Variants in IL2RB observed in about 807,000 individuals in gnomAD.
The protein encoded by IL2RB is interleukin-2 receptor subunit beta.
IL2RB carries 17 observed loss-of-function variants against 44.2 expected under a neutral mutation model. That is an observed-to-expected ratio of 0.38 (90% confidence interval 0.26 to 0.58). The LOEUF is 0.58. IL2RB is among the 20% of genes least tolerant of loss of function. The probability of loss-of-function intolerance (pLI) is 0.63; values close to 1 mark genes in which losing one functional copy is unlikely to be tolerated. For missense variants in IL2RB, 624 were observed against 685.5 expected, an observed-to-expected ratio of 0.91 and a Z score of 1.00; for synonymous variants, 286 against 297.9, an observed-to-expected ratio of 0.96 and a Z score of 0.41.
intron 1 of IL2RB, among the ~76,000 whole-genome samples, chr22:37,174,027 C>A (rs552698365): frequency 9.3e-4 from 141 of 152,328 alleles, no homozygotes; most frequent in African/African-American, 7.9e-4. Context: ...CCCACCCCAA[C>A]CTGTGAGTGG....
At chr22:37,130,555 A>G (rs1302233793) in intron 9 of IL2RB, among the ~76,000 whole-genome samples, 1 of 152,150 alleles carries the variant, frequency 6.6e-6, no homozygotes, top group Non-Finnish European at 1.5e-5. Flanking sequence ...CCCAACCCCC[A>G]GCCACATCAT....
At chr22:37,130,134 G>A (rs1385496202) in intron 9 of IL2RB, among the ~76,000 whole-genome samples, 1 of 152,226 alleles carries the variant, frequency 6.6e-6, no homozygotes, top group Non-Finnish European at 1.5e-5. Context: ...CAAAAGAAAA[G>A]GCTGAGAGAG....
chr22:37,129,824 T>G (rs1601594361), intron 9 of IL2RB, among the ~76,000 whole-genome samples: 2 of 152,308 alleles, frequency 1.3e-5, no homozygotes, highest in Non-Finnish European at 2.9e-5. Context: ...TTGGGAGCCC[T>G]GACAACCCTC....
Position 37,136,354 on chromosome 22 carries a change from T to C in IL2RB, c.577A>G (p.Ile193Val), listed in dbSNP as rs751108462. 1 of 1,612,602 alleles carries C rather than the reference T, an allele frequency of 6.2e-7. No homozygotes were observed. Among genetic ancestry groups the C allele is most frequent in the East Asian group, 2.2e-5 (1 of 44,828 alleles). The change falls in exon 7 of 10, where the codon ATC becomes GTC. Residue 193 changes from isoleucine (I) to valine (V), a missense_variant. Transcript: ENST00000216223. ...TCTGGGGTGAGCGTCTCCAGGCAGATCCATTCCTGCTTCTGCTTGAGAGTC... is the reference window on the plus strand; with the variant it reads ...TCTGGGGTGAGCGTCTCCAGGCAGACCCATTCCTGCTTCTGCTTGAGAGTC... ...LLTLKQKQEW[I>V]CLETLTPDTQ... is the part of the protein sequence containing the mutation.
chr22:37,174,465 A>G (rs190855895), intron 1 of IL2RB, among the ~76,000 whole-genome samples: 194 of 152,336 alleles, frequency 1.3e-3, no homozygotes, highest in Non-Finnish European at 1.4e-3. Flanking sequence ...TTGGAGGACC[A>G]AAAGCACCAC....
upstream of IL2RB, among the ~76,000 whole-genome samples, chr22:37,154,653 G>C (rs955659797): frequency 1.8e-4 from 26 of 148,114 alleles, 1 homozygote; most frequent in Admixed American, 1.3e-3. Flanking sequence ...TCGGCTCATT[G>C]CAAGCTCCGC....
At chr22:37,167,202 G>A (rs1246905105) in intron 1 of IL2RB, among the ~76,000 whole-genome samples, 2 of 152,156 alleles carry the variant, frequency 1.3e-5, no homozygotes, top group Non-Finnish European at 2.9e-5. Context: ...GACAGCCTCC[G>A]ACCCACCCTC....
intron 9 of IL2RB, among the ~76,000 whole-genome samples, chr22:37,130,862 A>G (rs1404231466): frequency 1.3e-5 from 2 of 152,248 alleles, no homozygotes; most frequent in Non-Finnish European, 2.9e-5. Context: ...ACATTCCCGC[A>G]CATTAAGAGT....
At chr22:37,135,951 C>G (rs1403073426) in intron 7 of IL2RB, among the ~76,000 whole-genome samples, 1 of 152,192 alleles carries the variant, frequency 6.6e-6, no homozygotes, top group Non-Finnish European at 1.5e-5. Flanking sequence ...CAGCCACCCC[C>G]AGCCCCAGAA....
At chr22:37,136,866 T>C (rs1490187899) in intron 6 of IL2RB, among the ~76,000 whole-genome samples, 3 of 152,212 alleles carry the variant, frequency 2.0e-5, no homozygotes, top group Non-Finnish European at 4.4e-5. Flanking sequence ...CAGGTCTTTC[T>C]AATTTTGCAA....
chr22:37,146,578 G>A (rs1056550939), intron 1 of IL2RB, among the ~76,000 whole-genome samples: 6 of 152,278 alleles, frequency 3.9e-5, no homozygotes, highest in Admixed American at 6.5e-5. Context: ...CATTTCAAAC[G>A]GGCCCTCATG....
intron 8 of IL2RB, 109 bp downstream of exon 8, chr22:37,135,217 AGT>A (rs3830742): frequency 4.9e-3 from 3,227 of 653,260 alleles, no homozygotes; most frequent in South Asian, 7.1e-3. Flanking sequence ...TGTTCATGTA[AGT>A]GTGTGTGTGT....
At chr22:37,131,323 C>A (rs996938204) in intron 9 of IL2RB, among the ~76,000 whole-genome samples, 207 of 152,272 alleles carry the variant, frequency 1.4e-3, no homozygotes, top group African/African-American at 4.8e-3. Flanking sequence ...TGGCTTTCCT[C>A]CTCCGCCACT....
At chr22:37,161,592 G>C (rs944190571) in intron 1 of IL2RB, among the ~76,000 whole-genome samples, 2 of 51,166 alleles carry the variant, frequency 3.9e-5, no homozygotes, top group Non-Finnish European at 8.0e-5. Flanking sequence ...ACCTCAGGCG[G>C]GGAGAGCATG....
chr22:37,128,744 C>T lies in IL2RB; in HGVS notation c.1008G>A (p.Leu336=). The T allele has an allele frequency of 6.2e-7, 1 of 1,614,128 alleles. No individual in the cohort carries two copies. Among genetic ancestry groups the T allele is most frequent in the South Asian group, 1.1e-5 (1 of 91,086 alleles). The part of the protein sequence containing the change: ...EVLERDKVTQ[L]LLQQDKVPEP... ...CAGGCACCTTGTCCTGCTGCAGGAG[C>T]AGCTGCGTCACCTTGTCCCTCTCCA... is the stretch of plus-strand genomic sequence containing the variant. Residue 336 remains leucine, a synonymous_variant, in exon 10 of 10, where the codon CTG becomes CTA. Transcript: ENST00000216223. This position sits in a 1 kb window ranked among gnomAD's most constrained non-coding sequence, Gnocchi z 4.5.
chr22:37,163,561 C>T (rs1922956395), intron 1 of IL2RB, among the ~76,000 whole-genome samples: 1 of 152,212 alleles, frequency 6.6e-6, no homozygotes, highest in Non-Finnish European at 1.5e-5. Flanking sequence ...GGAAAGTCAT[C>T]CTCTGATTGG....
chr22:37,155,819 C>G (rs1922660870), intron 1 of IL2RB, among the ~76,000 whole-genome samples: 1 of 152,228 alleles, frequency 6.6e-6, no homozygotes, highest in South Asian at 2.1e-4. Flanking sequence ...TTCCACATCC[C>G]CACCTGACCC....
chr22:37,152,959 T>C (rs1233222694), upstream of IL2RB, among the ~76,000 whole-genome samples: 1 of 113,014 alleles, frequency 8.8e-6, no homozygotes, highest in Non-Finnish European at 1.8e-5. Context: ...TTTTGAGACA[T>C]AGTCTAGCTC....
intron 9 of IL2RB, among the ~76,000 whole-genome samples, chr22:37,130,444 C>A (rs1382867863): frequency 6.6e-6 from 1 of 152,252 alleles, no homozygotes; most frequent in Non-Finnish European, 1.5e-5. Context: ...TTCCACGATC[C>A]CCTGGGAAGT....
Sources: gnomAD v4.1 joint callset for allele counts (sites outside exome capture counted in the v4.1 genomes callset) on GRCh38, gnomAD v4.1.1 for gene constraint, Gnocchi (gnomAD v3.1) non-coding constraint, MANE v1.5 for transcripts, NCBI Gene and HGNC (gene_info 2026-07-23, HGNC 2026-07-21) for gene names.